Variants in HPS5 observed in about 807,000 individuals in gnomAD.
The protein encoded by HPS5 is HPS5 biogenesis of lysosomal organelles complex 2 subunit 2.
A neutral mutation model predicts 128.0 loss-of-function variants in HPS5; 83 were observed. The ratio of observed to expected loss-of-function variants is 0.65; its 90% CI spans 0.54 to 0.78. HPS5 has a LOEUF of 0.78. HPS5 is among the 30% of genes least tolerant of loss of function. HPS5 has a pLI of 0.00. For synonymous variants in HPS5, 475 were observed against 470.2 expected, an observed-to-expected ratio of 1.01 and a Z score of -0.13; for missense variants, 1,281 against 1,326.2, an observed-to-expected ratio of 0.97 and a Z score of 0.53.
chr11:18,304,255 G>T, intron 8 of HPS5, among the ~76,000 whole-genome samples: 1 of 145,010 alleles, frequency 6.9e-6, no homozygotes, highest in Non-Finnish European at 1.5e-5. Context: ...CTTGCTCTGT[G>T]GCCCAGGCTG....
intron 8 of HPS5, among the ~76,000 whole-genome samples, chr11:18,302,190 G>A (rs1162552223): frequency 1.3e-5 from 2 of 152,122 alleles, no homozygotes; most frequent in East Asian, 3.9e-4. Context: ...CTCTGGTCTG[G>A]AGGACTCATT....
intron 10 of HPS5, 35 bp from the exon 11 acceptor site, chr11:18,297,752 G>A (rs1861244830): frequency 6.3e-7 from 1 of 1,597,800 alleles, no homozygotes; most frequent in East Asian, 2.2e-5. Context: ...ATAGCTATTT[G>A]TAGGTAAATC....
At chr11:18,287,866 A>C (rs756999050) in intron 17 of HPS5, 27 bp downstream of exon 17, 1 of 1,613,804 alleles carries the variant, frequency 6.2e-7, no homozygotes, top group African/African-American at 1.3e-5. Context: ...GCTTTAGCTC[A>C]TATAAACAAT....
At position 18,279,503 on chromosome 11, in the gene HPS5, A is replaced by G; in HGVS notation, c.*379T>C. 1 of 242,518 alleles carries G rather than the reference A, an allele frequency of 4.1e-6. No individual in the cohort carries two copies. Among genetic ancestry groups the G allele is most frequent in the Non-Finnish European group, 8.2e-6 (1 of 122,646 alleles). The allele number at this position is 242,518 out of a possible 1,614,324, so 15.0% of individuals were successfully genotyped here. A position where few individuals can be genotyped will look rare whatever the true frequency, so the allele number is the denominator to read the frequency against. The stretch of plus-strand genomic sequence containing the variant: ...ATCTGTCTTCATGTGACCAGGATGA[A>G]AAGCTTCTGCTCCCAACATGGAAGC... On this transcript the variant is annotated 3_prime_UTR_variant, in exon 23 of 23. Transcript: ENST00000349215.
intron 2 of HPS5, among the ~76,000 whole-genome samples, chr11:18,314,978 G>A (rs1863448015): frequency 6.6e-6 from 1 of 152,136 alleles, no homozygotes; most frequent in Admixed American, 6.5e-5. Flanking sequence ...GGGATTACAG[G>A]CATGAGCCAC....
intron 20 of HPS5, among the ~76,000 whole-genome samples, chr11:18,284,972 C>T (rs1040435466): frequency 1.1e-4 from 16 of 151,996 alleles, no homozygotes; most frequent in Non-Finnish European, 1.5e-4. Flanking sequence ...CCTTCACCAG[C>T]GATGCTATTG....
intron 14 of HPS5, among the ~76,000 whole-genome samples, chr11:18,294,491 T>C (rs1860815037): frequency 6.6e-6 from 1 of 152,124 alleles, no homozygotes; most frequent in Admixed American, 6.6e-5. Flanking sequence ...TTGGTCATCC[T>C]ACTCTTAATA....
Position 18,309,065 on chromosome 11 carries a change from A to G in HPS5, c.492T>C (p.Phe164=). The G allele has an allele frequency of 1.2e-6, 2 of 1,614,112 alleles. No homozygotes were observed. Among genetic ancestry groups the G allele is most frequent in the Non-Finnish European group, 1.7e-6 (2 of 1,179,966 alleles). Residue 164 remains phenylalanine, a synonymous_variant, in exon 6 of 23, where the codon TTT becomes TTC. Transcript: ENST00000349215. ...TSKQAKAAAA[F]VMFPVQTITT... is the part of the protein sequence containing the mutation. ...TGATTGTCTGAACAGGAAACATCAC[A>G]AAAGCAGCAGCTGCCTAAAAGGAAT...
At chr11:18,291,020 A>G (rs931182305) in intron 16 of HPS5, among the ~76,000 whole-genome samples, 2 of 152,178 alleles carry the variant, frequency 1.3e-5, no homozygotes, top group African/African-American at 4.8e-5. Flanking sequence ...GGCGTTTGAG[A>G]CCAGCTTGGC....
At chr11:18,318,454 G>C (rs1302097271) in intron 1 of HPS5, among the ~76,000 whole-genome samples, 1 of 152,196 alleles carries the variant, frequency 6.6e-6, no homozygotes, top group African/African-American at 2.4e-5. Flanking sequence ...GATCTACTAA[G>C]TGAGAAGGTA....
chr11:18,281,970 C>T lies in HPS5; in HGVS notation c.3309G>A (p.Arg1103=). ...EKFTRTCDIL[R]IAEKRQRALI... is the part of the protein sequence containing the mutation. ...ATTACCTCTGCCTTTTCTCAGCAAT[C>T]CTCAGGATATCGCAGGTTCTGGTAA... Residue 1103 remains arginine (R), a synonymous_variant, in exon 22 of 23, where the codon AGG becomes AGA. Transcript: ENST00000349215. The T allele has an allele frequency of 6.2e-7, 1 of 1,614,212 alleles. No individual in the cohort carries two copies. The highest frequency in any genetic ancestry group is 1.1e-5 in the South Asian group (1 of 91,082).
At chr11:18,293,676 A>C (rs1860719456) in intron 14 of HPS5, among the ~76,000 whole-genome samples, 1 of 152,240 alleles carries the variant, frequency 6.6e-6, no homozygotes, top group African/African-American at 2.4e-5. Context: ...GTGATATGAA[A>C]GCAGAGAAGA....
intron 8 of HPS5, 151 bp downstream of exon 8, chr11:18,305,271 C>T (rs1396677527): frequency 1.6e-6 from 1 of 621,624 alleles, no homozygotes; most frequent in Non-Finnish European, 2.9e-6. Context: ...CTTTTAGATA[C>T]AGAACACTTC....
chr11:18,311,945 C>A lies in HPS5; in HGVS notation c.188G>T (p.Gly63Val). The A allele has an allele frequency of 6.2e-7, 1 of 1,613,872 alleles. No homozygotes were observed. The highest frequency in any genetic ancestry group is 1.1e-5 in the South Asian group (1 of 91,084). Residue 63 changes from glycine (G) to valine (V), a missense_variant, in exon 3 of 23, where the codon GGC becomes GTC. Coordinates refer to ENST00000349215, the MANE Select transcript of HPS5 (RefSeq NM_181507.2). ...TGAAAGAAAAAGCCTGTGCTTCCAG[C>A]CTTCTTTCTGAATGAGATGGAGTCC... ...GGGLHLIQKE[G>V]WKHRLFLSHR...
At chr11:18,294,681 T>C (rs1237884670) in intron 14 of HPS5, among the ~76,000 whole-genome samples, 1 of 152,184 alleles carries the variant, frequency 6.6e-6, no homozygotes, top group Non-Finnish European at 1.5e-5. Flanking sequence ...ACAAACAATC[T>C]TCAATGAATG....
At chr11:18,280,514 G>A (rs1858749741) in intron 22 of HPS5, 1 of 691,248 alleles carries the variant, frequency 1.4e-6, no homozygotes, top group Admixed American at 2.1e-5. Context: ...ATTACCATAT[G>A]ATTCCAGAAT....
At chr11:18,285,544 G>A in intron 19 of HPS5, 85 bp from the exon 20 acceptor site, 1 of 897,876 alleles carries the variant, frequency 1.1e-6, no homozygotes, top group South Asian at 1.4e-5. Context: ...TAAGAATAGA[G>A]TTTAACTGCA....
At chr11:18,297,762 C>G in intron 10 of HPS5, 45 bp from the exon 11 acceptor site, 1 of 1,576,626 alleles carries the variant, frequency 6.3e-7, no homozygotes, top group Non-Finnish European at 8.7e-7. Flanking sequence ...GTAGGTAAAT[C>G]TATATTCAAA....
chr11:18,292,864 G>C (rs2134295828), intron 15 of HPS5, 35 bp downstream of exon 15: 1 of 1,489,030 alleles, frequency 6.7e-7, no homozygotes, highest in East Asian at 2.3e-5. Context: ...AAACTGCCTT[G>C]AGACGTCACT....
Sources: gnomAD v4.1 joint callset for allele counts (sites outside exome capture counted in the v4.1 genomes callset) on GRCh38, gnomAD v4.1.1 for gene constraint, MANE v1.5 for transcripts, NCBI Gene and HGNC (gene_info 2026-07-23, HGNC 2026-07-21) for gene names.